IPO11: variants seen among roughly 807,000 people sequenced by gnomAD.
The protein encoded by IPO11 is importin-11.
A neutral mutation model predicts 143.2 loss-of-function variants in IPO11; 66 were observed. The ratio of observed to expected loss-of-function variants is 0.46; its 90% confidence interval spans 0.38 to 0.57. The LOEUF is 0.57. IPO11 is among the 20% of genes least tolerant of loss of function. The pLI, the probability that IPO11 is intolerant of heterozygous loss-of-function variation, is 0.00. For missense variants in IPO11, 1,026 were observed against 1,141.0 expected (o/e 0.90, Z 1.45); for synonymous variants, 385 against 377.8 (o/e 1.02, Z -0.22).
At position 62,434,201 on chromosome 5, in the gene IPO11, A is replaced by G. The variant is rs556627343; in HGVS notation, c.-6-3073A>G. Among the ~76,000 whole-genome samples, 11 of 152,062 alleles carry G rather than the reference A, an allele frequency of 7.2e-5. No homozygotes were observed. In the East Asian group the frequency reaches 1.2e-3, roughly 16 times the overall value. The stretch of plus-strand genomic sequence containing the variant: ...TGAAGCTCTGCCTTCTGATCCTTGC[A>G]TGGGTTTCTCTTGTCATTCACGTCT... On this transcript the variant is annotated intron_variant, in intron 1 of 29. Coordinates refer to ENST00000325324, the MANE Select transcript of IPO11 (RefSeq NM_016338.5).
At chr5:62,479,462 A>G (rs1257233962) in intron 9 of IPO11, among the ~76,000 whole-genome samples, 2 of 152,176 alleles carry the variant, frequency 1.3e-5, no homozygotes, top group Non-Finnish European at 1.5e-5. Context: ...CAGTAATGGG[A>G]TGGCTGGGTC....
rs34767317 is a variant in IPO11 at position 62,417,321 on chromosome 5, A to ATTTTTTTTTTTTT, written c.-7+4406_-7+4418dup. On this transcript the variant is annotated intron_variant, in intron 1 of 29. Coordinates refer to ENST00000325324, the MANE Select transcript of IPO11 (RefSeq NM_016338.5). ...ATTTTCTTCACCTCCTTATTGGTTA[A>ATTTTTTTTTTTTT]TTTTTTTTTTTTTTTTTTTTTTTTT... Among the ~76,000 whole-genome samples, 6 of 65,354 alleles carry ATTTTTTTTTTTTT rather than the reference A, an allele frequency of 9.2e-5. 1 individual carries two copies. Among genetic ancestry groups the ATTTTTTTTTTTTT allele is most frequent in the African/African-American group, 2.5e-4 (4 of 15,730 alleles). The allele number at this position is 65,354 out of a possible 152,430, so 42.9% of individuals were successfully genotyped here. A position where few individuals can be genotyped will look rare whatever the true frequency, so the allele number is the denominator to read the frequency against.
intron 6 of IPO11, among the ~76,000 whole-genome samples, chr5:62,470,006 G>A (rs1444215934): frequency 6.6e-6 from 1 of 152,112 alleles, no homozygotes; most frequent in Non-Finnish European, 1.5e-5. Context: ...CTAAATTTTG[G>A]AATCCAGTTT....
intron 27 of IPO11, among the ~76,000 whole-genome samples, chr5:62,590,153 G>T (rs1164237986): frequency 6.6e-6 from 1 of 152,208 alleles, no homozygotes; most frequent in African/African-American, 2.4e-5. Context: ...AGCTAAGTTT[G>T]TTCCTTGCTC....
intron 27 of IPO11, among the ~76,000 whole-genome samples, chr5:62,573,751 T>C (rs1451157244): frequency 6.6e-6 from 1 of 152,210 alleles, no homozygotes; most frequent in Non-Finnish European, 1.5e-5. Flanking sequence ...TCTGGAGTTA[T>C]TTTTCACACA....
At chr5:62,567,658 G>T (rs1363369669) in intron 27 of IPO11, among the ~76,000 whole-genome samples, 1 of 150,096 alleles carries the variant, frequency 6.7e-6, no homozygotes, top group Admixed American at 6.7e-5. Context: ...CGCCGCCTGG[G>T]TTCAAGCAAT....
At chr5:62,619,188 C>T (rs2112478457) in intron 29 of IPO11, among the ~76,000 whole-genome samples, 1 of 152,282 alleles carries the variant, frequency 6.6e-6, no homozygotes, top group East Asian at 1.9e-4. Flanking sequence ...AAGATCTCAC[C>T]ACTGCACTCC....
At chr5:62,580,218 A>ACAG in intron 27 of IPO11, 1 of 1,550,938 alleles carries the variant, frequency 6.4e-7, no homozygotes, top group East Asian at 2.4e-5. Flanking sequence ...TCCTCCTGAA[A>ACAG]AATTCAAGAA....
chr5:62,516,334 C>G (rs1742018605), intron 20 of IPO11, among the ~76,000 whole-genome samples: 2 of 151,986 alleles, frequency 1.3e-5, no homozygotes, highest in Non-Finnish European at 2.9e-5. Context: ...CGCTCTGTTG[C>G]ACAGGCTGGA....
chr5:62,494,733 C>T (rs1249311123), intron 16 of IPO11, among the ~76,000 whole-genome samples: 1 of 152,022 alleles, frequency 6.6e-6, no homozygotes. Flanking sequence ...GAATAGTTTT[C>T]TTTCTTTTTT....
At chr5:62,564,701 T>C (rs1743877315) in intron 27 of IPO11, among the ~76,000 whole-genome samples, 1 of 152,008 alleles carries the variant, frequency 6.6e-6, no homozygotes, top group Admixed American at 6.6e-5. Context: ...GTCACGACAA[T>C]TGAAAATATC....
intron 8 of IPO11, among the ~76,000 whole-genome samples, chr5:62,475,461 T>C (rs1008673627): frequency 6.6e-6 from 1 of 152,126 alleles, no homozygotes. Flanking sequence ...CAGTGAGCAG[T>C]GATCTCATCA....
intron 24 of IPO11, among the ~76,000 whole-genome samples, chr5:62,549,534 G>A (rs1200437044): frequency 1.3e-5 from 2 of 152,124 alleles, no homozygotes; most frequent in Admixed American, 6.6e-5. Context: ...GAAGTCATAA[G>A]GGAAACTTGG....
At chr5:62,515,045 T>G (rs1032217255) in intron 19 of IPO11, among the ~76,000 whole-genome samples, 6 of 152,186 alleles carry the variant, frequency 3.9e-5, no homozygotes, top group Non-Finnish European at 8.8e-5. Flanking sequence ...TTTTAAAAAA[T>G]AATAGTATAA....
At position 62,627,372 on chromosome 5, in the gene IPO11, C is replaced by A; in HGVS notation, c.*54C>A. ...TTCAGAAACAAGCTGAGTAACCCAG[C>A]CTGCCGTTTGTATGTGAGAGCCTGC... On this transcript the variant is annotated 3_prime_UTR_variant, in exon 30 of 30. Coordinates refer to ENST00000325324, the MANE Select transcript of IPO11 (RefSeq NM_016338.5). The A allele has an allele frequency of 1.3e-6, 2 of 1,545,666 alleles. No individual in the cohort carries two copies. The highest frequency in any genetic ancestry group is 2.3e-5 in the East Asian group (1 of 43,886).
intron 9 of IPO11, among the ~76,000 whole-genome samples, chr5:62,479,702 T>G (rs531451034): frequency 6.6e-6 from 1 of 152,372 alleles, no homozygotes; most frequent in South Asian, 2.1e-4. Context: ...TGATGAGCAT[T>G]TTTTCATGTG....
chr5:62,548,788 A>T (rs1476958131), intron 24 of IPO11, among the ~76,000 whole-genome samples: 1 of 152,052 alleles, frequency 6.6e-6, no homozygotes, highest in Non-Finnish European at 1.5e-5. Flanking sequence ...ACACCTTGGG[A>T]TTCAGCTTTC....
intron 19 of IPO11, among the ~76,000 whole-genome samples, chr5:62,513,685 G>GGGCTGAGCCCCCCACCCCCGGACGGGGC (rs1741879994): frequency 6.9e-6 from 1 of 144,316 alleles, no homozygotes; most frequent in Non-Finnish European, 1.5e-5. Flanking sequence ...GCCGGGCGGG[G>GGGCTGAGCCCCCCACCCCCGGACGGGGC]GGCTGAGCCC....
At position 62,536,793 on chromosome 5, in the gene IPO11, T is replaced by C; in HGVS notation, c.2169+12T>C. 2 of 1,511,018 alleles carry C rather than the reference T, an allele frequency of 1.3e-6. No individual in the cohort carries two copies. Among genetic ancestry groups the C allele is most frequent in the Non-Finnish European group, 1.8e-6 (2 of 1,137,688 alleles). The allele number at this position is 1,511,018 out of a possible 1,614,324, so 93.6% of individuals were successfully genotyped here. On this transcript the variant is annotated intron_variant, in intron 23 of 29. Coordinates refer to ENST00000325324, the MANE Select transcript of IPO11 (RefSeq NM_016338.5). ...CAGAATTTTTACAGGTATGTTGGAG[T>C]ACTTTTGCATTATATGAAATTATAT...
Sources: gnomAD v4.1 joint callset for allele counts (sites outside exome capture counted in the v4.1 genomes callset) on GRCh38, gnomAD v4.1.1 for gene constraint, MANE v1.5 for transcripts, NCBI Gene and HGNC (gene_info 2026-07-23, HGNC 2026-07-21) for gene names.